The following SMG1 variants were observed in gnomAD, a reference collection of about 807,000 sequenced individuals.
SMG1 encodes the protein SMG1 nonsense mediated mRNA decay associated PI3K related kinase.
Under a neutral mutation model 419.9 loss-of-function variants are expected in SMG1, and 22 were observed. That is an observed-to-expected ratio of 0.05 (90% CI 0.04 to 0.07). The LOEUF (loss-of-function observed/expected upper bound fraction) is 0.07. SMG1 is among the 10% of genes least tolerant of loss of function. The pLI, the probability that SMG1 is intolerant of heterozygous loss-of-function variation, is 1.00. For synonymous variants in SMG1, 1,538 were observed against 1,553.5 expected, an observed-to-expected ratio of 0.99 and a Z score of 0.23; for missense variants, 3,185 against 4,342.0, an observed-to-expected ratio of 0.73 and a Z score of 7.49.
intron 36 of SMG1, 45 bp from the exon 37 acceptor site, chr16:18,848,078 C>T: frequency 6.6e-7 from 1 of 1,509,216 alleles, no homozygotes; most frequent in Non-Finnish European, 9.2e-7. Flanking sequence ...ACATTTCTCC[C>T]ATGTGCATAT....
At chr16:18,843,800 T>C (rs541077770) in intron 39 of SMG1, among the ~76,000 whole-genome samples, 2 of 152,264 alleles carry the variant, frequency 1.3e-5, no homozygotes, top group South Asian at 4.1e-4. Context: ...TTTTTTAAAG[T>C]AGATAGTGAT....
intron 22 of SMG1, among the ~76,000 whole-genome samples, chr16:18,867,148 C>T (rs2035555559): frequency 6.6e-6 from 1 of 152,136 alleles, no homozygotes; most frequent in South Asian, 2.1e-4. Context: ...ACCTGAATTG[C>T]TAAACATTTT....
Position 18,868,440 on chromosome 16 carries a change from T to C in SMG1, c.3030+83A>G. 2.7e-6 allele frequency: 4 copies of C among 1,488,046 alleles called. No homozygotes were observed. The South Asian group carries it at 4.7e-5, about 18-fold the overall frequency. 92.2% of individuals were successfully genotyped at this position (1,488,046 alleles called of 1,614,324 possible). Reference sequence around the variant, plus strand: ...CCTATATATAAACCAAATACACAAGTCTACTGTGATTTCAGCTCTGCACAT... The same window carrying C: ...CCTATATATAAACCAAATACACAAGCCTACTGTGATTTCAGCTCTGCACAT... On this transcript the variant is annotated intron_variant, in intron 21 of 62. Transcript: ENST00000446231.
Position 18,809,101 on chromosome 16 carries a change from G to T in SMG1, c.*468C>A. The T allele has an allele frequency of 6.2e-6, 1 of 161,280 alleles. No homozygotes were observed. The highest frequency in any genetic ancestry group is 1.4e-5 in the Non-Finnish European group (1 of 72,788). 10.0% of individuals were successfully genotyped at this position (161,280 alleles called of 1,614,324 possible). Reference sequence around the variant, plus strand: ...TGTTGCCAAGCAACAAGTGTTACACGAGAATCTGAATGCATCAAATCTTCC... The same window carrying T: ...TGTTGCCAAGCAACAAGTGTTACACTAGAATCTGAATGCATCAAATCTTCC... On this transcript the variant is annotated 3_prime_UTR_variant, in exon 63 of 63. Coordinates refer to ENST00000446231, the MANE Select transcript of SMG1 (RefSeq NM_015092.5).
intron 1 of SMG1, among the ~76,000 whole-genome samples, chr16:18,899,034 C>T (rs575290937): frequency 4.9e-4 from 75 of 152,222 alleles, no homozygotes; most frequent in African/African-American, 1.6e-3. Flanking sequence ...TATAAAGAAA[C>T]GCTTAGTTTG....
intron 51 of SMG1, among the ~76,000 whole-genome samples, chr16:18,832,324 C>G (rs2033244042): frequency 2.6e-5 from 4 of 152,138 alleles, no homozygotes. Context: ...ATTCCAAAGT[C>G]AGATTGCTTT....
Position 18,829,729 on chromosome 16 carries a change from T to C in SMG1, c.9160A>G (p.Thr3054Ala), listed in dbSNP as rs748630900. 2.5e-6 allele frequency: 4 copies of C among 1,599,750 alleles called. No homozygotes were observed. The South Asian group carries it at 4.5e-5, about 18-fold the overall frequency. ...ACAATCTGTACAGGCCCATTCACAG[T>C]ATTCTGATCTTCAAGTGAACTTGAT... ...SGSSSLEDQN[T>A]VNGPVQIVNV... The change falls in exon 54 of 63, where the codon ACT becomes GCT. Residue 3054 changes from threonine to alanine, a missense_variant. This residue lies in a region of SMG1 where 737 missense variants were observed against 846.6 expected (regional missense o/e 0.87). Transcript: ENST00000446231.
Position 18,836,541 on chromosome 16 carries a change from G to C in SMG1, c.7605-9C>G, listed in dbSNP as rs1020180398. ...GGGTGTGCTCAGAATACCTAATCAG[G>C]GGGACACAAACAAAATCAAAAGATT... On this transcript the variant is annotated splice_polypyrimidine_tract_variant and intron_variant, in intron 46 of 62. Coordinates refer to ENST00000446231, the MANE Select transcript of SMG1 (RefSeq NM_015092.5). 5.0e-6 allele frequency: 8 copies of C among 1,610,386 alleles called. No homozygotes were observed. In the African/African-American group the frequency reaches 1.1e-4, roughly 22 times the overall value.
chr16:18,915,701 G>T (rs1307027810), intron 1 of SMG1, among the ~76,000 whole-genome samples: 1 of 152,094 alleles, frequency 6.6e-6, no homozygotes, highest in Non-Finnish European at 1.5e-5. Flanking sequence ...TAGTGAAAAA[G>T]TCACTGCATA....
At chr16:18,881,379 TAAG>T in intron 10 of SMG1, among the ~76,000 whole-genome samples, 1 of 152,260 alleles carries the variant, frequency 6.6e-6, no homozygotes, top group Admixed American at 6.5e-5. Flanking sequence ...TGGTTTCATT[TAAG>T]TTCTGACATT....
Position 18,896,775 on chromosome 16 carries a change from A to G in SMG1, c.256+18T>C, listed in dbSNP as rs771538445. On this transcript the variant is annotated intron_variant, in intron 2 of 62. Coordinates refer to ENST00000446231, the MANE Select transcript of SMG1 (RefSeq NM_015092.5). ...AGGTTCAAAAAACATGCTTGTAGCA[A>G]TAAGAAAATATATATACCCTTTTCG... is the stretch of plus-strand genomic sequence containing the variant. 3.5e-5 allele frequency: 55 copies of G among 1,562,988 alleles called. No homozygotes were observed. The Middle Eastern group carries it at 6.9e-4, about 20-fold the overall frequency.
At chr16:18,900,588 T>G (rs1205298596) in intron 1 of SMG1, among the ~76,000 whole-genome samples, 2 of 152,238 alleles carry the variant, frequency 1.3e-5, no homozygotes, top group Non-Finnish European at 2.9e-5. Context: ...GCAAACACCA[T>G]ACCTAGTGGT....
intron 51 of SMG1, 93 bp from the exon 52 acceptor site, chr16:18,830,462 G>A (rs140596038): frequency 1.0e-5 from 14 of 1,382,108 alleles, no homozygotes; most frequent in Non-Finnish European, 1.4e-5. Context: ...GCTGCATGCT[G>A]TGAGAGTCTA....
At chr16:18,895,902 T>C (rs2037102697) in intron 3 of SMG1, 150 bp downstream of exon 3, 3 of 759,728 alleles carry the variant, frequency 3.9e-6, no homozygotes, top group Admixed American at 4.5e-5. Context: ...ATAACCTTTC[T>C]AGTGGGAAAT....
chr16:18,854,884 T>A lies in SMG1; in HGVS notation c.4255A>T (p.Ser1419Cys), dbSNP rs1567373912. The A allele has an allele frequency of 1.2e-6, 2 of 1,613,840 alleles. No homozygotes were observed. The highest frequency in any genetic ancestry group is 1.7e-6 in the Non-Finnish European group (2 of 1,179,884). ...KIKEQTVPIRSHLMELGLTAA... is the reference protein window; with the variant it reads ...KIKEQTVPIRCHLMELGLTAA... The stretch of plus-strand genomic sequence containing the variant: ...GTTAGACCTAATTCCATGAGATGGC[T>A]TCTAATTGGGACTGTTTGTTCTGAA... The change falls in exon 30 of 63, where the codon AGC (serine) becomes TGC (cysteine). Residue 1419 changes from serine to cysteine, a missense_variant. Transcript: ENST00000446231.
chr16:18,909,910 C>G (rs942344117), intron 1 of SMG1, among the ~76,000 whole-genome samples: 7 of 152,030 alleles, frequency 4.6e-5, no homozygotes, highest in African/African-American at 7.3e-5. Context: ...CAAACCCTAT[C>G]TTTTTCTTTT....
intron 3 of SMG1, among the ~76,000 whole-genome samples, chr16:18,895,225 C>T (rs1350579359): frequency 1.3e-5 from 2 of 151,714 alleles, no homozygotes; most frequent in South Asian, 2.1e-4. Flanking sequence ...AGGCAGGGCC[C>T]GGTGGCTCAC....
Position 18,870,660 on chromosome 16 carries a change from T to A in SMG1, c.2442A>T (p.Arg814=). Reference sequence around the variant, plus strand: ...ATTTCAACAGTTTTCCAAATGCTTGTCGAATACGAGTTCCACTGTGCACTA... The same window carrying A: ...ATTTCAACAGTTTTCCAAATGCTTGACGAATACGAGTTCCACTGTGCACTA... The part of the protein sequence containing the change: ...VQLVHSGTRI[R]QAFGKLLKSI... The change falls in exon 18 of 63, where the codon CGA becomes CGT. Residue 814 remains arginine (R), a synonymous_variant. Transcript: ENST00000446231. 6.2e-7 allele frequency: 1 copy of A among 1,608,366 alleles called. No homozygotes were observed. Among genetic ancestry groups the A allele is most frequent in the Non-Finnish European group, 8.5e-7 (1 of 1,178,084 alleles).
chr16:18,816,108 G>A (rs2031978456), intron 58 of SMG1, 194 bp downstream of exon 58: 1 of 590,332 alleles, frequency 1.7e-6, no homozygotes, highest in Non-Finnish European at 3.0e-6. Context: ...CTCTGTGTAT[G>A]AAATTCAAAC....
Sources: gnomAD v4.1 joint callset for allele counts (sites outside exome capture counted in the v4.1 genomes callset) on GRCh38, gnomAD v4.1.1 for gene constraint, gnomAD v4.1.1 regional missense constraint, MANE v1.5 for transcripts, NCBI Gene and HGNC (gene_info 2026-07-23, HGNC 2026-07-21) for gene names.